Variants in KDM3B observed in about 807,000 individuals in gnomAD.
KDM3B encodes the protein lysine demethylase 3B.
A neutral mutation model predicts 170.0 loss-of-function variants in KDM3B; 10 were observed. That is an observed-to-expected ratio of 0.06 (90% CI 0.04 to 0.10). The LOEUF (loss-of-function observed/expected upper bound fraction) is 0.10. Ranked by LOEUF, KDM3B falls within the 10% of genes least tolerant of loss-of-function variation. The probability of loss-of-function intolerance (pLI) is 1.00; values close to 1 mark genes in which losing one functional copy is unlikely to be tolerated. For synonymous variants in KDM3B, 831 were observed against 834.8 expected (o/e 1.00, Z 0.08); for missense variants, 1,394 against 2,195.2 (o/e 0.64, Z 7.29).
At chr5:138,376,803 A>G (rs918697991) in intron 3 of KDM3B, among the ~76,000 whole-genome samples, 1 of 152,160 alleles carries the variant, frequency 6.6e-6, no homozygotes, top group African/African-American at 2.4e-5. Context: ...ATTGACATCC[A>G]GGAGTTTGGA....
At chr5:138,395,575 C>T (rs10062337) in intron 9 of KDM3B, among the ~76,000 whole-genome samples, 76 of 152,152 alleles carry the variant, frequency 5.0e-4, no homozygotes, top group African/African-American at 1.2e-3. Context: ...CCACCCTGAA[C>T]GATGTAGTGA....
intron 15 of KDM3B, among the ~76,000 whole-genome samples, chr5:138,423,523 G>A (rs1763324583): frequency 6.6e-6 from 1 of 152,156 alleles, no homozygotes; most frequent in Non-Finnish European, 1.5e-5. Flanking sequence ...TTCTCAGTGG[G>A]ATGGTAGTGA....
intron 6 of KDM3B, among the ~76,000 whole-genome samples, chr5:138,383,525 A>G (rs747424791): frequency 5.3e-5 from 8 of 152,122 alleles, no homozygotes; most frequent in Admixed American, 1.3e-4. Flanking sequence ...GCAGAGTCCA[A>G]TTATTTTTTA....
At chr5:138,427,104 A>T in intron 18 of KDM3B, 39 bp downstream of exon 18, 1 of 1,609,848 alleles carries the variant, frequency 6.2e-7, no homozygotes, top group Admixed American at 1.7e-5. Context: ...AGAAGCCATC[A>T]CAAAGTAATC....
At position 138,435,751 on chromosome 5, in the gene KDM3B, A is replaced by G. The variant is rs1763657799; in HGVS notation, c.*51A>G. On this transcript the variant is annotated 3_prime_UTR_variant, in exon 24 of 24. Transcript: ENST00000314358. ...GTGAAGCAGGTCTTTCACTCACAAC[A>G]CTTAACAGGGAACGGCAGGGCTCTT... 2 of 1,394,926 alleles carry G rather than the reference A, an allele frequency of 1.4e-6. No homozygotes were observed. The highest frequency in any genetic ancestry group is 2.0e-6 in the Non-Finnish European group (2 of 991,830). The allele number at this position is 1,394,926 out of a possible 1,614,324, so 86.4% of individuals were successfully genotyped here.
intron 1 of KDM3B, among the ~76,000 whole-genome samples, chr5:138,358,984 C>T (rs1443114990): frequency 6.8e-6 from 1 of 146,774 alleles, no homozygotes; most frequent in Non-Finnish European, 1.5e-5. Flanking sequence ...TGATGTTCCC[C>T]TTCCTGTGTC....
Position 138,420,951 on chromosome 5 carries a change from A to G in KDM3B, c.3961A>G (p.Thr1321Ala). Reference protein sequence around the residue: ...TGIPFPPVFSTSSAGVKSKAS... With the variant: ...TGIPFPPVFSASSAGVKSKAS... Reference sequence around the variant, plus strand: ...CATACCCTTTCCCCCGGTCTTCTCTACATCCTCAGCAGTAAGTGTCCTCTG... The same window carrying G: ...CATACCCTTTCCCCCGGTCTTCTCTGCATCCTCAGCAGTAAGTGTCCTCTG... The change falls in exon 15 of 24, where the codon ACA becomes GCA. Residue 1321 changes from threonine to alanine, a missense_variant. Coordinates refer to ENST00000314358, the MANE Select transcript of KDM3B (RefSeq NM_016604.4). 1.9e-6 allele frequency: 3 copies of G among 1,613,926 alleles called. No individual in the cohort carries two copies. The highest frequency in any genetic ancestry group is 1.7e-6 in the Non-Finnish European group (2 of 1,179,874).
intron 3 of KDM3B, among the ~76,000 whole-genome samples, chr5:138,375,484 T>C (rs937689128): frequency 6.6e-6 from 1 of 151,904 alleles, no homozygotes; most frequent in African/African-American, 2.4e-5. Context: ...TTCACTCCAT[T>C]CTCCTGCCTC....
intron 17 of KDM3B, among the ~76,000 whole-genome samples, chr5:138,426,507 G>A (rs1159006621): frequency 6.6e-6 from 1 of 150,470 alleles, no homozygotes; most frequent in Non-Finnish European, 1.5e-5. Flanking sequence ...CCTGGGAGGC[G>A]GAGCTTGCAG....
intron 6 of KDM3B, among the ~76,000 whole-genome samples, chr5:138,382,897 T>C (rs1389340141): frequency 1.3e-5 from 2 of 152,170 alleles, no homozygotes; most frequent in South Asian, 2.1e-4. Flanking sequence ...ATTGGTCCCC[T>C]TTTTTGTTCC....
Position 138,393,150 on chromosome 5 carries a change from C to T in KDM3B, c.2630-21C>T, listed in dbSNP as rs749123616. The T allele has an allele frequency of 3.1e-6, 5 of 1,612,114 alleles. No homozygotes were observed. The South Asian group carries it at 4.4e-5, about 14-fold the overall frequency. ...TGTTTACACCTCATGACAAACTTTT[C>T]TTCTCTCCCCCTTGCCACAGTTGGC... On this transcript the variant is annotated intron_variant, in intron 8 of 23. Coordinates refer to ENST00000314358, the MANE Select transcript of KDM3B (RefSeq NM_016604.4).
At chr5:138,410,688 G>A (rs1762943038) in intron 11 of KDM3B, among the ~76,000 whole-genome samples, 2 of 152,328 alleles carry the variant, frequency 1.3e-5, no homozygotes, top group South Asian at 4.1e-4. Flanking sequence ...TTATTTATTG[G>A]ATACAAAGCA....
chr5:138,427,904 G>A (rs890107569), intron 19 of KDM3B, 63 bp from the exon 20 acceptor site: 7 of 1,510,450 alleles, frequency 4.6e-6, no homozygotes, highest in African/African-American at 2.7e-5. Flanking sequence ...TTCAGATGTA[G>A]TGTCGACGTG....
chr5:138,368,420 G>C (rs778414125), intron 1 of KDM3B, among the ~76,000 whole-genome samples: 2 of 151,196 alleles, frequency 1.3e-5, no homozygotes, highest in Non-Finnish European at 2.9e-5. Context: ...TTTTTTTGTA[G>C]AGACAGGATC....
rs1350106302 is a variant in KDM3B, at chr5:138,391,927, T to C, written c.2295T>C (p.Phe765=). The C allele has an allele frequency of 1.9e-6, 3 of 1,612,442 alleles. No homozygotes were observed. Among genetic ancestry groups the C allele is most frequent in the East Asian group, 2.2e-5 (1 of 44,806 alleles). The change falls in exon 8 of 24, where the codon TTT becomes TTC. Residue 765 remains phenylalanine, a synonymous_variant. Transcript: ENST00000314358. This position sits in a 1 kb window ranked among gnomAD's most constrained non-coding sequence, Gnocchi z 5.0. Reference sequence around the variant, plus strand: ...AGGACAATCCCCTCCTCAAAACCTTTAGTAACGTCTTTGGCAGGCACTCAG... The same window carrying C: ...AGGACAATCCCCTCCTCAAAACCTTCAGTAACGTCTTTGGCAGGCACTCAG... ...GQQDNPLLKT[F]SNVFGRHSGG...
intron 5 of KDM3B, among the ~76,000 whole-genome samples, chr5:138,380,343 A>C (rs911791273): frequency 6.8e-6 from 1 of 146,108 alleles, no homozygotes; most frequent in Non-Finnish European, 1.5e-5. Flanking sequence ...ATGATATATA[A>C]TTTATATGAT....
At chr5:138,387,662 G>A (rs1019209859) in intron 7 of KDM3B, among the ~76,000 whole-genome samples, 1 of 152,208 alleles carries the variant, frequency 6.6e-6, no homozygotes, top group African/African-American at 2.4e-5. Flanking sequence ...GAGAAGGCCT[G>A]TAAATGCAAA....
intron 3 of KDM3B, among the ~76,000 whole-genome samples, chr5:138,375,418 C>T (rs549562444): frequency 1.3e-5 from 2 of 151,620 alleles, no homozygotes; most frequent in Admixed American, 1.3e-4. Context: ...CGATATGTCC[C>T]CCAAGCTGGA....
At chr5:138,435,169 C>CGAA (rs1763642074) in intron 23 of KDM3B, among the ~76,000 whole-genome samples, 1 of 152,152 alleles carries the variant, frequency 6.6e-6, no homozygotes, top group Non-Finnish European at 1.5e-5. Flanking sequence ...CCTGCTTTCC[C>CGAA]CTCTTGTTTT....
Sources: allele counts gnomAD v4.1 joint callset (sites outside exome capture counted in the v4.1 genomes callset), GRCh38; gene constraint gnomAD v4.1.1; non-coding constraint Gnocchi (gnomAD v3.1); transcripts MANE v1.5; gene names NCBI Gene and HGNC (gene_info 2026-07-23, HGNC 2026-07-21).